ANKRD44: variants seen among roughly 807,000 people sequenced by gnomAD.
The protein encoded by ANKRD44 is serine/threonine-protein phosphatase 6 regulatory ankyrin repeat subunit B.
A neutral mutation model predicts 116.0 loss-of-function variants in ANKRD44; 35 were observed. That is an observed-to-expected ratio of 0.30 (90% CI 0.23 to 0.40). The LOEUF is 0.40. ANKRD44 is among the 10% of genes least tolerant of loss of function. ANKRD44 has a pLI of 1.00. For synonymous variants in ANKRD44, 435 were observed against 461.8 expected (o/e 0.94, Z 0.74); for missense variants, 1,014 against 1,242.6 (o/e 0.82, Z 2.77).
At chr2:197,008,208 T>C (rs1031313745) in intron 19 of ANKRD44, among the ~76,000 whole-genome samples, 4 of 152,186 alleles carry the variant, frequency 2.6e-5, no homozygotes, top group African/African-American at 9.7e-5. Flanking sequence ...TTCAGATCCA[T>C]GTAGCATTTA....
intron 2 of ANKRD44, among the ~76,000 whole-genome samples, chr2:197,153,764 A>T (rs2579383): frequency 6.6e-6 from 1 of 152,140 alleles, no homozygotes; most frequent in African/African-American, 2.4e-5. Context: ...ACTTTTAGGG[A>T]TAAAAGTGCC....
At chr2:197,205,777 G>A (rs1407782822) in intron 1 of ANKRD44, among the ~76,000 whole-genome samples, 1 of 152,056 alleles carries the variant, frequency 6.6e-6, no homozygotes, top group African/African-American at 2.4e-5. Context: ...CATATGGGAG[G>A]GACACCCAAC....
chr2:197,194,266 T>G (rs1451435018), intron 1 of ANKRD44, among the ~76,000 whole-genome samples: 4 of 152,182 alleles, frequency 2.6e-5, no homozygotes. Flanking sequence ...CCCTCTGTAC[T>G]CAGAAGTCTA....
chr2:197,121,335 A>G lies in ANKRD44; in HGVS notation c.903T>C (p.Ile301=). 6.2e-7 allele frequency: 1 copy of G among 1,613,912 alleles called. No individual in the cohort carries two copies. Among genetic ancestry groups the G allele is most frequent in the East Asian group, 2.2e-5 (1 of 44,888 alleles). The change falls in exon 8 of 28, where the codon ATT becomes ATC. Residue 301 remains isoleucine (I), a synonymous_variant. Coordinates refer to ENST00000282272, the MANE Select transcript of ANKRD44 (RefSeq NM_001195144.2). Reference sequence around the variant, plus strand: ...ACAGAGACTAAGAGTGTCATACCTGAATGTTAACATCTGCCCCGTTGTTTA... The same window carrying G: ...ACAGAGACTAAGAGTGTCATACCTGGATGTTAACATCTGCCCCGTTGTTTA... ...LLVNNGADVN[I]QSKDGKSPLH...
chr2:197,010,690 A>G (rs2076283953), intron 18 of ANKRD44, among the ~76,000 whole-genome samples: 2 of 152,254 alleles, frequency 1.3e-5, no homozygotes, highest in South Asian at 4.1e-4. Context: ...AGATGAGAGC[A>G]ACCGTGGTTA....
chr2:197,021,608 G>A (rs913442391), intron 17 of ANKRD44, among the ~76,000 whole-genome samples: 1 of 152,168 alleles, frequency 6.6e-6, no homozygotes, highest in Non-Finnish European at 1.5e-5. Flanking sequence ...CTTTTGAAAA[G>A]TGTCTGTTCA....
intron 10 of ANKRD44, among the ~76,000 whole-genome samples, chr2:197,099,113 C>T (rs562074589): frequency 1.3e-4 from 20 of 152,228 alleles, no homozygotes; most frequent in African/African-American, 4.8e-4. Flanking sequence ...CTCCTTGAAG[C>T]CTTTTCAGAA....
chr2:197,047,677 C>T (rs753532474), intron 16 of ANKRD44, among the ~76,000 whole-genome samples: 5 of 151,942 alleles, frequency 3.3e-5, no homozygotes, highest in Non-Finnish European at 5.9e-5. Flanking sequence ...TTTGGGAGGC[C>T]GAGGCAGGTG....
At position 197,013,622 on chromosome 2, in the gene ANKRD44, C is replaced by A. The variant is rs1283496628; in HGVS notation, c.1813G>T (p.Asp605Tyr). The A allele has an allele frequency of 1.9e-6, 3 of 1,614,148 alleles. No individual in the cohort carries two copies. The highest frequency in any genetic ancestry group is 2.5e-6 in the Non-Finnish European group (3 of 1,180,042). ...GTGTGTCCTTTAAAGGCAGCCAGATCCAGAGCAGTGCGGCCTTTCTCATCC... is the reference window on the plus strand; with the variant it reads ...GTGTGTCCTTTAAAGGCAGCCAGATACAGAGCAGTGCGGCCTTTCTCATCC... The part of the protein sequence containing the change: ...IRDEKGRTAL[D>Y]LAAFKGHTEC... The change falls in exon 18 of 28, where the codon GAT (aspartate) becomes TAT (tyrosine). Residue 605 changes from aspartate (D) to tyrosine (Y), a missense_variant. Coordinates refer to ENST00000282272, the MANE Select transcript of ANKRD44 (RefSeq NM_001195144.2).
intron 16 of ANKRD44, among the ~76,000 whole-genome samples, chr2:197,033,710 A>G (rs997432167): frequency 6.6e-6 from 1 of 151,024 alleles, no homozygotes; most frequent in Admixed American, 6.6e-5. Context: ...GTCTCTAACA[A>G]TTTTCTTTAA....
intron 1 of ANKRD44, among the ~76,000 whole-genome samples, chr2:197,219,051 C>T (rs13388326): frequency 0.17 from 25,146 of 148,858 alleles, 2,402 homozygotes; most frequent in Middle Eastern, 0.31. Flanking sequence ...GTGTGAGCCA[C>T]CATGCCTGGC....
At chr2:197,177,357 G>A (rs1400060399) in intron 2 of ANKRD44, among the ~76,000 whole-genome samples, 1 of 152,028 alleles carries the variant, frequency 6.6e-6, no homozygotes, top group Non-Finnish European at 1.5e-5. Context: ...ATGGCAACAG[G>A]TCCCACCAAC....
intron 8 of ANKRD44, among the ~76,000 whole-genome samples, chr2:197,112,718 A>G (rs11895019): frequency 0.12 from 17,336 of 149,104 alleles, 2,630 homozygotes; most frequent in African/African-American, 0.36. Context: ...AAAAAAAAAA[A>G]AAAAGAAAAA....
chr2:197,222,444 C>T (rs1006099732), intron 1 of ANKRD44, among the ~76,000 whole-genome samples: 2 of 152,226 alleles, frequency 1.3e-5, no homozygotes, highest in Non-Finnish European at 2.9e-5. Context: ...ATCCCCATCA[C>T]TTGTGGATCA....
chr2:197,121,717 T>C (rs1269907911), intron 7 of ANKRD44, among the ~76,000 whole-genome samples, 173 bp from the exon 8 acceptor site: 2 of 152,118 alleles, frequency 1.3e-5, no homozygotes, highest in Non-Finnish European at 2.9e-5. Flanking sequence ...TGTCACCCCA[T>C]GGTAAAGATC....
chr2:197,125,223 C>T (rs962582946), intron 6 of ANKRD44, among the ~76,000 whole-genome samples, 158 bp downstream of exon 6: 2 of 152,224 alleles, frequency 1.3e-5, no homozygotes, highest in African/African-American at 4.8e-5. Context: ...GACTGGAGTG[C>T]ACTATGCATG....
At chr2:197,030,935 C>T (rs1007901526) in intron 16 of ANKRD44, among the ~76,000 whole-genome samples, 14 of 152,038 alleles carry the variant, frequency 9.2e-5, no homozygotes, top group Admixed American at 2.6e-4. Context: ...CTCAACCTCC[C>T]AAAGTGCTAG....
chr2:197,042,996 T>A (rs764758510), intron 16 of ANKRD44, among the ~76,000 whole-genome samples: 11 of 152,180 alleles, frequency 7.2e-5, no homozygotes, highest in Non-Finnish European at 1.5e-4. Context: ...CTTTTCCATC[T>A]GTTGTTTGTG....
At chr2:197,147,128 C>T in intron 2 of ANKRD44, 23 bp from the exon 3 acceptor site, 1 of 1,610,158 alleles carries the variant, frequency 6.2e-7, no homozygotes, top group Non-Finnish European at 8.5e-7. Context: ...ACGTCAAAGA[C>T]ATACAACAGG....
Sources: allele counts gnomAD v4.1 joint callset (sites outside exome capture counted in the v4.1 genomes callset), GRCh38; gene constraint gnomAD v4.1.1; transcripts MANE v1.5; gene names NCBI Gene and HGNC (gene_info 2026-07-23, HGNC 2026-07-21).